Variants in OTUD7A observed in about 807,000 individuals in gnomAD.
The protein encoded by OTUD7A is OTU deubiquitinase 7A.
Under a neutral mutation model 65.7 loss-of-function variants are expected in OTUD7A, and 12 were observed. The ratio of observed to expected loss-of-function variants is 0.18; its 90% CI spans 0.12 to 0.30. The LOEUF is 0.30. OTUD7A is among the 10% of genes least tolerant of loss of function. The pLI, the probability that OTUD7A is intolerant of heterozygous loss-of-function variation, is 1.00. For missense variants in OTUD7A, 1,148 were observed against 1,304.8 expected (o/e 0.88, Z 1.85); for synonymous variants, 641 against 586.3 (o/e 1.09, Z -1.35).
chr15:31,664,199 T>C (rs543079105), intron 1 of OTUD7A, among the ~76,000 whole-genome samples: 7 of 151,952 alleles, frequency 4.6e-5, no homozygotes, highest in African/African-American at 1.7e-4. Flanking sequence ...GTAGTGGGAT[T>C]GCTGGATCAA....
At chr15:31,811,008 T>C (rs921041164) in intron 1 of OTUD7A, among the ~76,000 whole-genome samples, 1 of 152,100 alleles carries the variant, frequency 6.6e-6, no homozygotes, top group Non-Finnish European at 1.5e-5. Flanking sequence ...GAGTGTGCCT[T>C]GCATTGAAAG....
chr15:31,494,975 T>C (rs1434600399), intron 10 of OTUD7A, among the ~76,000 whole-genome samples: 1 of 152,136 alleles, frequency 6.6e-6, no homozygotes, highest in African/African-American at 2.4e-5. Context: ...GCTGGGGCCC[T>C]CATTTGGGAA....
intron 1 of OTUD7A, among the ~76,000 whole-genome samples, chr15:31,681,781 A>C: frequency 6.9e-6 from 1 of 145,602 alleles, no homozygotes; most frequent in African/African-American, 2.7e-5. Context: ...AGTTCCTTTC[A>C]CTCTTTCATT....
chr15:31,672,122 T>C (rs918749898), intron 1 of OTUD7A, among the ~76,000 whole-genome samples: 19 of 152,236 alleles, frequency 1.2e-4, no homozygotes, highest in African/African-American at 4.3e-4. Flanking sequence ...GTTAATATTA[T>C]ATACATAAAA....
chr15:31,689,244 C>T (rs942966567), intron 1 of OTUD7A: 1 of 148,586 alleles, frequency 6.7e-6, no homozygotes, highest in East Asian at 2.0e-4. Flanking sequence ...TTTATCTGGG[C>T]TTTAGATCTG....
At chr15:31,647,528 C>G (rs1482640441) in intron 3 of OTUD7A, among the ~76,000 whole-genome samples, 1 of 152,218 alleles carries the variant, frequency 6.6e-6, no homozygotes, top group Non-Finnish European at 1.5e-5. Context: ...TGCTTTCTCA[C>G]TTCCTCAAAT....
intron 3 of OTUD7A, among the ~76,000 whole-genome samples, chr15:31,577,691 C>G (rs1461141936): frequency 6.6e-6 from 1 of 151,942 alleles, no homozygotes; most frequent in East Asian, 1.9e-4. Context: ...CAGAGCAAGA[C>G]TCCGTCTCAA....
At chr15:31,790,280 GC>G (rs11447593) in intron 1 of OTUD7A, among the ~76,000 whole-genome samples, 1 of 152,012 alleles carries the variant, frequency 6.6e-6, no homozygotes, top group Non-Finnish European at 1.5e-5. Context: ...GGCTGGGGAG[GC>G]CCCAAGAGCC....
At chr15:31,731,794 T>C (rs1195415996) in intron 1 of OTUD7A, among the ~76,000 whole-genome samples, 1 of 152,092 alleles carries the variant, frequency 6.6e-6, no homozygotes, top group Admixed American at 6.5e-5. Flanking sequence ...AGTCTATGCA[T>C]GTGTGGGGTT....
chr15:31,756,983 G>A (rs1181343405), intron 1 of OTUD7A, among the ~76,000 whole-genome samples: 1 of 152,128 alleles, frequency 6.6e-6, no homozygotes, highest in Non-Finnish European at 1.5e-5. Flanking sequence ...CAAAGCAGGA[G>A]ATCTCTCCTG....
At chr15:31,779,296 C>T (rs773274878) in intron 1 of OTUD7A, among the ~76,000 whole-genome samples, 2 of 152,190 alleles carry the variant, frequency 1.3e-5, no homozygotes, top group Admixed American at 6.5e-5. Flanking sequence ...CCTCAGGAAT[C>T]GTCACGCTGG....
chr15:31,594,995 C>T (rs893688772), intron 3 of OTUD7A, among the ~76,000 whole-genome samples: 2 of 152,218 alleles, frequency 1.3e-5, no homozygotes, highest in Non-Finnish European at 1.5e-5. Flanking sequence ...GGGGCACCTA[C>T]TGTGTGCTGT....
At chr15:31,485,994 C>G (rs1036989200) in intron 12 of OTUD7A, among the ~76,000 whole-genome samples, 1 of 152,274 alleles carries the variant, frequency 6.6e-6, no homozygotes, top group African/African-American at 2.4e-5. Context: ...GGTGGACACT[C>G]GGGCTGGGCC....
intron 4 of OTUD7A, among the ~76,000 whole-genome samples, chr15:31,561,727 A>G (rs1027681591): frequency 4.6e-5 from 7 of 151,994 alleles, no homozygotes; most frequent in African/African-American, 2.4e-5. Flanking sequence ...TAATTCTAAC[A>G]TTTCCTGTGA....
At chr15:31,749,487 C>G (rs62002705) in intron 1 of OTUD7A, among the ~76,000 whole-genome samples, 28,357 of 152,088 alleles carry the variant, frequency 0.19, 3,270 homozygotes, top group Middle Eastern at 0.34. Context: ...CACATAGACA[C>G]CAGAGTACAA....
chr15:31,591,335 A>G (rs1381354340), intron 3 of OTUD7A, among the ~76,000 whole-genome samples: 1 of 152,208 alleles, frequency 6.6e-6, no homozygotes, highest in South Asian at 2.1e-4. Context: ...TCAGAGCAGG[A>G]GCTTACCTAG....
intron 12 of OTUD7A, among the ~76,000 whole-genome samples, chr15:31,485,937 G>A (rs1337633880): frequency 1.3e-5 from 2 of 152,184 alleles, no homozygotes; most frequent in South Asian, 2.1e-4. Context: ...TCCCACCTGG[G>A]ATAGGAAGGT....
intron 3 of OTUD7A, among the ~76,000 whole-genome samples, chr15:31,595,992 G>C (rs2141204811): frequency 6.6e-6 from 1 of 152,150 alleles, no homozygotes; most frequent in East Asian, 1.9e-4. Flanking sequence ...TCAGGGCCCT[G>C]TGTCTTCCTC....
At chr15:31,797,685 C>T (rs570756885) in intron 1 of OTUD7A, among the ~76,000 whole-genome samples, 1 of 152,236 alleles carries the variant, frequency 6.6e-6, no homozygotes, top group Non-Finnish European at 1.5e-5. Context: ...CAAACTCTAT[C>T]CTAAGCCTGG....
Sources: gnomAD v4.1 joint callset for allele counts (sites outside exome capture counted in the v4.1 genomes callset) on GRCh38, gnomAD v4.1.1 for gene constraint, MANE v1.5 for transcripts, NCBI Gene and HGNC (gene_info 2026-07-23, HGNC 2026-07-21) for gene names.